The following SCFD1 variants were observed in gnomAD, a reference collection of about 807,000 sequenced individuals.
SCFD1 encodes sec1 family domain-containing protein 1.
In SCFD1, 37 loss-of-function variants were observed where a neutral mutation model predicts 103.2. That is an observed-to-expected ratio of 0.36 (90% confidence interval 0.28 to 0.47). SCFD1 has a LOEUF of 0.47. SCFD1 is among the 20% of genes least tolerant of loss of function. The pLI is 1.00. For missense variants in SCFD1, 639 were observed against 761.2 expected (o/e 0.84, Z 1.89); for synonymous variants, 264 against 245.0 (o/e 1.08, Z -0.73).
Position 30,649,521 on chromosome 14 carries a change from A to G in SCFD1, c.614-7A>G. ...AAGATCATTTCTAACATTTATTGTT[A>G]AAATAGGTGCTGTTCCTATAATCAG... On this transcript the variant is annotated splice_region_variant and splice_polypyrimidine_tract_variant and intron_variant, in intron 7 of 24. Coordinates refer to ENST00000458591, the MANE Select transcript of SCFD1 (RefSeq NM_016106.4). The G allele has an allele frequency of 6.4e-7, 1 of 1,571,226 alleles. No individual in the cohort carries two copies. The highest frequency in any genetic ancestry group is 1.4e-5 in the African/African-American group (1 of 72,004).
chr14:30,691,677 G>T (rs1371188227), intron 14 of SCFD1, among the ~76,000 whole-genome samples: 3 of 152,128 alleles, frequency 2.0e-5, no homozygotes, highest in Non-Finnish European at 4.4e-5. Flanking sequence ...TATTTACAGA[G>T]TTGTTGCAAC....
chr14:30,664,709 T>C (rs928304618), intron 10 of SCFD1, among the ~76,000 whole-genome samples: 1 of 152,140 alleles, frequency 6.6e-6, no homozygotes, highest in Non-Finnish European at 1.5e-5. Context: ...AATGACCTGA[T>C]GGAGCTGAAA....
chr14:30,729,651 C>T lies in SCFD1; in HGVS notation c.1837-5139C>T, dbSNP rs1331885855. Reference sequence around the variant, plus strand: ...TGTGAGTCCTACTTTATTGTTTAGGCTTTTCTGGGTCTTTTGCAATTTTTT... The same window carrying T: ...TGTGAGTCCTACTTTATTGTTTAGGTTTTTCTGGGTCTTTTGCAATTTTTT... On this transcript the variant is annotated intron_variant, in intron 23 of 24. Transcript: ENST00000458591. Among the ~76,000 whole-genome samples, 3 of 152,276 alleles carry T rather than the reference C, an allele frequency of 2.0e-5. No individual in the cohort carries two copies. The East Asian group carries it at 5.8e-4, about 29-fold the overall frequency.
chr14:30,730,822 T>G (rs1312082743), intron 23 of SCFD1, among the ~76,000 whole-genome samples: 1 of 152,236 alleles, frequency 6.6e-6, no homozygotes, highest in Non-Finnish European at 1.5e-5. Context: ...CTGATGGTAG[T>G]TTCTTTTGCT....
At chr14:30,633,232 CCT>C (rs1401672399) in intron 3 of SCFD1, among the ~76,000 whole-genome samples, 3 of 152,234 alleles carry the variant, frequency 2.0e-5, no homozygotes, top group East Asian at 3.9e-4. Flanking sequence ...GTGCCTCTTT[CCT>C]CTCTCTCCTT....
intron 7 of SCFD1, among the ~76,000 whole-genome samples, chr14:30,647,807 C>T (rs979129333): frequency 2.0e-5 from 3 of 152,160 alleles, no homozygotes; most frequent in Admixed American, 6.5e-5. Context: ...TGCTCTACCA[C>T]GCCTGGCTAA....
intron 10 of SCFD1, among the ~76,000 whole-genome samples, chr14:30,668,045 A>T (rs1401550808): frequency 6.6e-6 from 1 of 151,962 alleles, no homozygotes. Context: ...AGAATTGGAA[A>T]AAAACTAAAG....
rs1408682789 is a variant in SCFD1, at chr14:30,734,799, G to A, written c.1846G>A (p.Gly616Ser). Reference protein sequence around the residue: ...NLVDYIKGKQGKHILYGCSEL... With the variant: ...NLVDYIKGKQSKHILYGCSEL... ...ACTCTGATTTTTACAGGGGAAACAA[G>A]GCAAACACATTTTATATGGCTGCAG... The change falls in exon 24 of 25, where the codon GGC becomes AGC. Residue 616 changes from glycine (G) to serine (S), a missense_variant. Coordinates refer to ENST00000458591, the MANE Select transcript of SCFD1 (RefSeq NM_016106.4). 6.2e-7 allele frequency: 1 copy of A among 1,612,722 alleles called. No individual in the cohort carries two copies.
chr14:30,725,552 T>C (rs1198647314), intron 23 of SCFD1, among the ~76,000 whole-genome samples: 1 of 152,224 alleles, frequency 6.6e-6, no homozygotes, highest in Non-Finnish European at 1.5e-5. Context: ...GAGACCTTGC[T>C]GAAGTTGTTT....
chr14:30,629,618 G>A (rs1285520390), intron 2 of SCFD1, among the ~76,000 whole-genome samples: 2 of 142,516 alleles, frequency 1.4e-5, no homozygotes, highest in Non-Finnish European at 3.0e-5. Context: ...TCGCTTTGTC[G>A]CCAGGCTGGA....
At chr14:30,641,836 A>C (rs923238358) in intron 6 of SCFD1, among the ~76,000 whole-genome samples, 2 of 152,174 alleles carry the variant, frequency 1.3e-5, no homozygotes, top group Non-Finnish European at 2.9e-5. Context: ...AAGTGGTATT[A>C]AATTTTATAT....
At chr14:30,707,098 C>A (rs1891522610) in intron 18 of SCFD1, among the ~76,000 whole-genome samples, 1 of 152,134 alleles carries the variant, frequency 6.6e-6, no homozygotes. Context: ...AAATTACTTC[C>A]ATGTGTTTAA....
chr14:30,719,566 T>TGTGTG (rs1892511510), intron 21 of SCFD1, among the ~76,000 whole-genome samples, 189 bp downstream of exon 21: 1 of 152,212 alleles, frequency 6.6e-6, no homozygotes. Flanking sequence ...ATGTTTTTCC[T>TGTGTG]TCCACATATA....
chr14:30,653,497 G>T lies in SCFD1; in HGVS notation c.764G>T (p.Arg255Met), dbSNP rs1371371676. 1 of 1,609,214 alleles carries T rather than the reference G, an allele frequency of 6.2e-7. No individual in the cohort carries two copies. Among genetic ancestry groups the T allele is most frequent in the East Asian group, 2.2e-5 (1 of 44,796 alleles). ...TATATGTATATTTACAGCTTCCAGA[G>T]GCCCTTATTAGTCCTTGTTGACAGA... The part of the protein sequence containing the change: ...TLGAGQFSFQ[R>M]PLLVLVDRNI... Residue 255 changes from arginine (R) to methionine (M), a missense_variant, in exon 10 of 25, where the codon AGG becomes ATG. Coordinates refer to ENST00000458591, the MANE Select transcript of SCFD1 (RefSeq NM_016106.4).
intron 19 of SCFD1, among the ~76,000 whole-genome samples, chr14:30,712,772 G>A (rs1891977349): frequency 6.6e-6 from 1 of 151,832 alleles, no homozygotes; most frequent in African/African-American, 2.4e-5. Context: ...TATCTATAAT[G>A]GCTTTCTAAT....
In SCFD1 at chr14:30,690,735, G is replaced by A. The variant is rs1029057947; in HGVS notation, c.1243-4038G>A. Among the ~76,000 whole-genome samples the A allele has an allele frequency of 3.6e-3, 537 of 150,474 alleles. 7 individuals are homozygous for A. Among genetic ancestry groups the A allele is most frequent in the African/African-American group, 0.012 (504 of 40,382 alleles). On this transcript the variant is annotated intron_variant, in intron 14 of 24. Transcript: ENST00000458591. ...TGGCGCTCCCTAGTGAGATGAACCC[G>A]GTACTTCAGATGGAAATGCAGAAAT...
chr14:30,723,549 C>T (rs28435745), intron 23 of SCFD1, among the ~76,000 whole-genome samples: 11,894 of 152,188 alleles, frequency 0.078, 756 homozygotes, highest in African/African-American at 0.17. Context: ...TCCTCTCCCT[C>T]TTCCCACCCT....
At chr14:30,684,914 C>T (rs1364131825) in intron 14 of SCFD1, among the ~76,000 whole-genome samples, 9 of 98,412 alleles carry the variant, frequency 9.1e-5, no homozygotes, top group South Asian at 3.9e-4. Flanking sequence ...CACCCACTAA[C>T]GTGTCATCTA....
At chr14:30,651,567 CT>C (rs11410375) in intron 9 of SCFD1, among the ~76,000 whole-genome samples, 206 of 145,586 alleles carry the variant, frequency 1.4e-3, no homozygotes, top group Middle Eastern at 3.6e-3. Context: ...CTCACCTGAT[CT>C]TTTTTTTTTT....
Sources: allele counts gnomAD v4.1 joint callset (sites outside exome capture counted in the v4.1 genomes callset), GRCh38; gene constraint gnomAD v4.1.1; transcripts MANE v1.5; gene names NCBI Gene and HGNC (gene_info 2026-07-23, HGNC 2026-07-21).